Variants in KLC1 observed in about 807,000 individuals in gnomAD.
KLC1 encodes kinesin 2 60/70kDa.
In KLC1, 30 loss-of-function variants were observed where a neutral mutation model predicts 84.2. The observed-to-expected ratio is 0.36, with a 90% CI of 0.27 to 0.48. The LOEUF (loss-of-function observed/expected upper bound fraction) is 0.48. KLC1 is among the 20% of genes least tolerant of loss of function. KLC1 has a pLI of 0.99. For synonymous variants in KLC1, 289 were observed against 293.3 expected, an observed-to-expected ratio of 0.99 and a Z score of 0.15; for missense variants, 499 against 805.4, an observed-to-expected ratio of 0.62 and a Z score of 4.60.
At chr14:103,686,960 C>A in intron 13 of KLC1, 121 bp from the exon 14 acceptor site, 1 of 566,158 alleles carries the variant, frequency 1.8e-6, no homozygotes, top group South Asian at 2.5e-5. Flanking sequence ...AAGACTCTGT[C>A]AGCAGTGAGC....
At chr14:103,695,803 AGAAGCCAGGGGGCCTCCCT>A (rs2082423707) in intron 15 of KLC1, 4 of 985,260 alleles carry the variant, frequency 4.1e-6, no homozygotes, top group Non-Finnish European at 4.8e-6. Flanking sequence ...TTGGGGTAAG[AGAAGCCAGGGGGCCTCCCT>A]GAAGCCAGCT....
chr14:103,684,850 G>T, intron 13 of KLC1: 1 of 661,438 alleles, frequency 1.5e-6, no homozygotes, highest in Middle Eastern at 2.4e-4. Flanking sequence ...GAAATGAACA[G>T]CAGGGGCTGC....
intron 13 of KLC1, chr14:103,685,179 GGGCTGTA>G (rs2081682745): frequency 7.6e-6 from 11 of 1,446,990 alleles, no homozygotes; most frequent in Non-Finnish European, 1.0e-5. Flanking sequence ...TGTTTAAAAT[GGGCTGTA>G]GACTTTTAAA....
chr14:103,693,979 A>C lies in KLC1; in HGVS notation c.1848+1554A>C. 8.9e-7 allele frequency: 1 copy of C among 1,124,236 alleles called. No homozygotes were observed. Among genetic ancestry groups the C allele is most frequent in the Non-Finnish European group, 1.1e-6 (1 of 916,638 alleles). 69.6% of individuals were successfully genotyped at this position (1,124,236 alleles called of 1,614,324 possible). A position where few individuals can be genotyped will look rare whatever the true frequency, so the allele number is the denominator to read the frequency against. On this transcript the variant is annotated intron_variant, in intron 15 of 16. Coordinates refer to ENST00000334553, the MANE Select transcript of KLC1 (RefSeq NM_001394837.1). This position sits in a 1 kb window ranked among gnomAD's most constrained non-coding sequence, Gnocchi z 5.1. ...TGCCATGACACCAGACTCTCTTTTAAATTGTAATATTGTAATAAGGCTGTA... is the reference window on the plus strand; with the variant it reads ...TGCCATGACACCAGACTCTCTTTTACATTGTAATATTGTAATAAGGCTGTA...
chr14:103,689,383 A>G (rs2081961880), intron 14 of KLC1, among the ~76,000 whole-genome samples: 1 of 152,206 alleles, frequency 6.6e-6, no homozygotes, highest in African/African-American at 2.4e-5. Context: ...GTCAGTGTTC[A>G]TGGGGCTGTA....
At chr14:103,673,208 T>C (rs1391456658) in intron 8 of KLC1, 21 bp downstream of exon 8, 3 of 1,602,242 alleles carry the variant, frequency 1.9e-6, no homozygotes, top group South Asian at 1.1e-5. Flanking sequence ...TGCACAGCAC[T>C]AGGGAGGGGG....
At chr14:103,630,428 GT>G (rs2076585155) in intron 1 of KLC1, among the ~76,000 whole-genome samples, 1 of 152,132 alleles carries the variant, frequency 6.6e-6, no homozygotes, top group African/African-American at 2.4e-5. Flanking sequence ...CAAAAATGAT[GT>G]TTTTTAAAAA....
chr14:103,692,265 C>T, intron 14 of KLC1, 94 bp from the exon 15 acceptor site: 1 of 1,168,804 alleles, frequency 8.6e-7, no homozygotes, highest in Non-Finnish European at 1.2e-6. Context: ...CCCAGTGTCA[C>T]AGAGGCGTTG....
chr14:103,632,450 T>C (rs1203026985), intron 1 of KLC1, among the ~76,000 whole-genome samples: 1 of 148,818 alleles, frequency 6.7e-6, no homozygotes, highest in Non-Finnish European at 1.5e-5. Flanking sequence ...GTGCAGTGGC[T>C]CACTCCTGTA....
chr14:103,658,881 T>C (rs1567020188), intron 3 of KLC1, among the ~76,000 whole-genome samples: 1 of 152,002 alleles, frequency 6.6e-6, no homozygotes, highest in Non-Finnish European at 1.5e-5. Context: ...ATGGTCTTGA[T>C]CTCCTGACCT....
chr14:103,648,123 G>T (rs1595321841), intron 1 of KLC1, among the ~76,000 whole-genome samples: 1 of 151,878 alleles, frequency 6.6e-6, no homozygotes, highest in East Asian at 2.0e-4. Context: ...GCTAATTTTT[G>T]TATTTTTATT....
At chr14:103,641,418 A>G (rs1373939337) in intron 1 of KLC1, among the ~76,000 whole-genome samples, 1 of 152,094 alleles carries the variant, frequency 6.6e-6, no homozygotes, top group Non-Finnish European at 1.5e-5. Context: ...AAAGTACCAC[A>G]GGCTAGTGAC....
At chr14:103,680,468 C>T (rs2081262579) in intron 13 of KLC1, among the ~76,000 whole-genome samples, 1 of 152,000 alleles carries the variant, frequency 6.6e-6, no homozygotes, top group Non-Finnish European at 1.5e-5. Context: ...AATGTAAATC[C>T]TTTTATTCTT....
At position 103,675,706 on chromosome 14, in the gene KLC1, G is replaced by A. The variant is rs1294268421; in HGVS notation, c.1329G>A (p.Gly443=). ...TAATTTAGGGAAAGCAAAAGGATGG[G>A]ACATCTTTTGGAGAGTATGGCGGCT... ...REECKGKQKD[G]TSFGEYGGWY... is the part of the protein sequence containing the mutation. The change falls in exon 11 of 17, where the codon GGG becomes GGA. Residue 443 remains glycine (G), a synonymous_variant. Coordinates refer to ENST00000334553, the MANE Select transcript of KLC1 (RefSeq NM_001394837.1). 6.2e-7 allele frequency: 1 copy of A among 1,613,392 alleles called. No homozygotes were observed. The highest frequency in any genetic ancestry group is 8.5e-7 in the Non-Finnish European group (1 of 1,179,460).
intron 15 of KLC1, chr14:103,697,024 T>G: frequency 1.0e-6 from 1 of 985,504 alleles, no homozygotes; most frequent in Middle Eastern, 5.2e-4. Context: ...CCAGGCGTGT[T>G]TTCTCTGTTA....
chr14:103,673,209 AG>A, intron 8 of KLC1, 22 bp downstream of exon 8: 1 of 1,602,214 alleles, frequency 6.2e-7, no homozygotes, highest in African/African-American at 1.3e-5. Flanking sequence ...GCACAGCACT[AG>A]GGAGGGGGCC....
chr14:103,688,545 C>G (rs12586322), intron 14 of KLC1, among the ~76,000 whole-genome samples: 30,007 of 152,170 alleles, frequency 0.2, 3,498 homozygotes, highest in East Asian at 0.46. Flanking sequence ...AGAACTGTTG[C>G]CATACACGGC....
intron 7 of KLC1, among the ~76,000 whole-genome samples, chr14:103,672,232 C>T (rs1236686109): frequency 1.3e-5 from 2 of 152,090 alleles, no homozygotes; most frequent in Non-Finnish European, 1.5e-5. Flanking sequence ...GTAGGGAATG[C>T]AGAAGGGAGT....
chr14:103,700,196 G>T lies in KLC1; in HGVS notation c.1849-459G>T, dbSNP rs916273003. On this transcript the variant is annotated intron_variant, in intron 15 of 16. Transcript: ENST00000334553. ...GGGCTGTAGGTTGAGACACCCTCAA[G>T]GCCAGTGCCTCCCGTGCATCCAGGC... 3 of 197,002 alleles carry T rather than the reference G, an allele frequency of 1.5e-5. 1 individual carries two copies. The South Asian group carries it at 2.9e-4, about 19-fold the overall frequency. The allele number at this position is 197,002 out of a possible 1,614,324, so 12.2% of individuals were successfully genotyped here.
Sources: allele counts gnomAD v4.1 joint callset (sites outside exome capture counted in the v4.1 genomes callset), GRCh38; gene constraint gnomAD v4.1.1; non-coding constraint Gnocchi (gnomAD v3.1); transcripts MANE v1.5; gene names NCBI Gene and HGNC (gene_info 2026-07-23, HGNC 2026-07-21).